Variants in DSCAML1 observed in about 807,000 individuals in gnomAD.
DSCAML1 encodes DS cell adhesion molecule like 1.
Under a neutral mutation model 200.5 loss-of-function variants are expected in DSCAML1, and 38 were observed. The observed-to-expected ratio is 0.19, with a 90% CI of 0.15 to 0.25. The LOEUF (loss-of-function observed/expected upper bound fraction) is 0.25. Ranked by LOEUF, DSCAML1 falls within the 10% of genes least tolerant of loss-of-function variation. The pLI, the probability that DSCAML1 is intolerant of heterozygous loss-of-function variation, is 1.00. For synonymous variants in DSCAML1, 1,215 were observed against 1,165.0 expected (o/e 1.04, Z -0.87); for missense variants, 2,223 against 2,858.8 (o/e 0.78, Z 5.07).
intron 3 of DSCAML1, among the ~76,000 whole-genome samples, chr11:117,684,438 A>C (rs1372308575): frequency 1.4e-5 from 2 of 146,654 alleles, no homozygotes; most frequent in African/African-American, 2.5e-5. Flanking sequence ...CATTAACTAA[A>C]AAAAAAAAAA....
At chr11:117,447,743 G>A (rs2048209382) in intron 20 of DSCAML1, among the ~76,000 whole-genome samples, 1 of 152,170 alleles carries the variant, frequency 6.6e-6, no homozygotes, top group Non-Finnish European at 1.5e-5. Context: ...CCGCCAGCAT[G>A]TGTGAGCACA....
chr11:117,438,362 G>A (rs1333393473), intron 24 of DSCAML1, among the ~76,000 whole-genome samples: 1 of 152,164 alleles, frequency 6.6e-6, no homozygotes, highest in Non-Finnish European at 1.5e-5. Flanking sequence ...TTAGGGGTTA[G>A]CGGCAGGTTC....
intron 3 of DSCAML1, among the ~76,000 whole-genome samples, chr11:117,756,339 G>C (rs1189543694): frequency 6.6e-6 from 1 of 152,164 alleles, no homozygotes; most frequent in African/African-American, 2.4e-5. Flanking sequence ...TGTGAGGGTG[G>C]GATTTTTGGG....
chr11:117,561,261 A>G (rs958725319), intron 3 of DSCAML1, among the ~76,000 whole-genome samples: 1 of 152,230 alleles, frequency 6.6e-6, no homozygotes, highest in African/African-American at 2.4e-5. Context: ...AGCCCAGGGC[A>G]GTGAGCACTG....
rs758014998 is a variant in DSCAML1 at position 117,428,553 on chromosome 11, G to C, written c.5937C>G (p.Pro1979=). Residue 1979 remains proline (P), a synonymous_variant, in exon 33 of 33, where the codon CCC becomes CCG. Coordinates refer to ENST00000651296, the MANE Select transcript of DSCAML1 (RefSeq NM_020693.4). ...LPQRTLAMPA[P]PAGTAPPAPG... is the part of the protein sequence containing the mutation. Reference sequence around the variant, plus strand: ...GGGCTGGGGGGGCTGTGCCGGCTGGGGGGGCTGGCATGGCCAGAGTCCTCT... The same window carrying C: ...GGGCTGGGGGGGCTGTGCCGGCTGGCGGGGCTGGCATGGCCAGAGTCCTCT... The C allele has an allele frequency of 2.8e-5, 44 of 1,546,256 alleles. No homozygotes were observed. Among genetic ancestry groups the C allele is most frequent in the Non-Finnish European group, 3.7e-5 (42 of 1,142,236 alleles).
chr11:117,428,250 A>C lies in DSCAML1; in HGVS notation c.*78T>G. ...TTTTGTCTGTCAGTTGAATATAAATAATGCAGAAAAACAGCCGAGCTGGCG... is the reference window on the plus strand; with the variant it reads ...TTTTGTCTGTCAGTTGAATATAAATCATGCAGAAAAACAGCCGAGCTGGCG... On this transcript the variant is annotated 3_prime_UTR_variant, in exon 33 of 33. Coordinates refer to ENST00000651296, the MANE Select transcript of DSCAML1 (RefSeq NM_020693.4). 1 of 844,990 alleles carries C rather than the reference A, an allele frequency of 1.2e-6. No individual in the cohort carries two copies. The highest frequency in any genetic ancestry group is 1.9e-6 in the Non-Finnish European group (1 of 513,206). The allele number at this position is 844,990 out of a possible 1,614,324, so 52.3% of individuals were successfully genotyped here. A position where few individuals can be genotyped will look rare whatever the true frequency, so the allele number is the denominator to read the frequency against.
Position 117,428,397 on chromosome 11 carries a change from G to A in DSCAML1, c.6093C>T (p.Ser2031=). The part of the protein sequence containing the change: ...GGSRDSLLEM[S]TSGVGRSQKQ... Reference sequence around the variant, plus strand: ...TCTGAGACCTCCCTACCCCCGATGTGCTCATCTCGAGAAGCGAGTCCCTGG... The same window carrying A: ...TCTGAGACCTCCCTACCCCCGATGTACTCATCTCGAGAAGCGAGTCCCTGG... Residue 2031 remains serine, a synonymous_variant, in exon 33 of 33, where the codon AGC becomes AGT. Transcript: ENST00000651296. 6.3e-7 allele frequency: 1 copy of A among 1,579,036 alleles called. No individual in the cohort carries two copies. Among genetic ancestry groups the A allele is most frequent in the Non-Finnish European group, 8.6e-7 (1 of 1,167,006 alleles).
At chr11:117,602,827 G>A (rs892785208) in intron 3 of DSCAML1, among the ~76,000 whole-genome samples, 5 of 152,260 alleles carry the variant, frequency 3.3e-5, no homozygotes, top group African/African-American at 9.6e-5. Flanking sequence ...GGCCATGTGG[G>A]GTGGCTCACG....
intron 5 of DSCAML1, among the ~76,000 whole-genome samples, chr11:117,521,917 G>A (rs535415611): frequency 3.2e-4 from 48 of 152,282 alleles, no homozygotes; most frequent in African/African-American, 1.0e-3. Context: ...CTGGATCCAC[G>A]TGGCAGCACC....
intron 3 of DSCAML1, among the ~76,000 whole-genome samples, chr11:117,672,072 G>A (rs4414256): frequency 0.037 from 5,052 of 137,270 alleles, 289 homozygotes; most frequent in African/African-American, 0.13. Flanking sequence ...CTGCACTCCA[G>A]CCTGGGCGAC....
At chr11:117,635,447 G>GGTGTGTGTGTGT (rs201976004) in intron 3 of DSCAML1, among the ~76,000 whole-genome samples, 12 of 146,740 alleles carry the variant, frequency 8.2e-5, no homozygotes, top group African/African-American at 2.7e-4. Context: ...TAGTGTGTGT[G>GGTGTGTGTGTGT]GTGTGTGTGT....
intron 4 of DSCAML1, 82 bp downstream of exon 4, chr11:117,532,294 G>T (rs958207713): frequency 1.4e-6 from 2 of 1,433,818 alleles, no homozygotes; most frequent in Non-Finnish European, 1.9e-6. Flanking sequence ...CTCCATCTGC[G>T]GTGGGGCGTG....
At chr11:117,531,810 C>T (rs540655026) in intron 4 of DSCAML1, among the ~76,000 whole-genome samples, 1 of 151,732 alleles carries the variant, frequency 6.6e-6, no homozygotes. Context: ...TGCTTGAACC[C>T]AGGGGGCGGA....
chr11:117,720,546 T>C (rs527369996), intron 3 of DSCAML1, among the ~76,000 whole-genome samples: 2 of 152,312 alleles, frequency 1.3e-5, no homozygotes, highest in East Asian at 3.9e-4. Context: ...GGGTAAAAAC[T>C]GAACCACATC....
chr11:117,576,984 T>G (rs913956689), intron 3 of DSCAML1, among the ~76,000 whole-genome samples: 8 of 152,340 alleles, frequency 5.3e-5, no homozygotes, highest in African/African-American at 1.9e-4. Flanking sequence ...ATTTGAATCC[T>G]TGATTGAGAA....
chr11:117,529,781 TCCAC>T (rs1375749864), intron 4 of DSCAML1, among the ~76,000 whole-genome samples: 1 of 151,664 alleles, frequency 6.6e-6, no homozygotes, highest in African/African-American at 2.4e-5. Context: ...GGGACTGATC[TCCAC>T]CCTCAGCTCT....
At chr11:117,458,153 T>G (rs1275269614) in intron 19 of DSCAML1, among the ~76,000 whole-genome samples, 1 of 152,172 alleles carries the variant, frequency 6.6e-6, no homozygotes, top group East Asian at 1.9e-4. Flanking sequence ...CTGGGCTGAC[T>G]TCATCCCAGC....
chr11:117,431,498 G>T (rs2047792823), intron 31 of DSCAML1, 36 bp downstream of exon 31: 3 of 1,500,912 alleles, frequency 2.0e-6, no homozygotes, highest in Non-Finnish European at 2.7e-6. Flanking sequence ...GAACTGGGGG[G>T]AGGTGTTCAG....
chr11:117,776,769 G>A (rs777230539), intron 3 of DSCAML1, 22 bp downstream of exon 3: 62 of 1,613,380 alleles, frequency 3.8e-5, no homozygotes, highest in South Asian at 3.5e-4. Context: ...TCTGTCTGCC[G>A]CAGCCCCGGG....
Sources: allele counts gnomAD v4.1 joint callset (sites outside exome capture counted in the v4.1 genomes callset), GRCh38; gene constraint gnomAD v4.1.1; transcripts MANE v1.5; gene names NCBI Gene and HGNC (gene_info 2026-07-23, HGNC 2026-07-21).